Variants in PHLDB2 observed in about 807,000 individuals in gnomAD.
The protein encoded by PHLDB2 is pleckstrin homology-like domain family B member 2.
In PHLDB2, 71 loss-of-function variants were observed where a neutral mutation model predicts 123.6. That is an observed-to-expected ratio of 0.57 (90% CI 0.47 to 0.70). PHLDB2 has a LOEUF of 0.70. Ranked by LOEUF, PHLDB2 falls within the 30% of genes least tolerant of loss-of-function variation. PHLDB2 has a pLI of 0.00. For synonymous variants in PHLDB2, 547 were observed against 541.6 expected, an observed-to-expected ratio of 1.01 and a Z score of -0.14; for missense variants, 1,446 against 1,519.5, an observed-to-expected ratio of 0.95 and a Z score of 0.80.
Position 111,750,947 on chromosome 3 carries a change from C to CA in PHLDB2, c.-49+18263dup, listed in dbSNP as rs34859598. ...GGCGACAGAGTGTGAAACTCTGTCT[C>CA]AAAAAAAAAAAAAAAAAAATTCGCC... On this transcript the variant is annotated intron_variant, in intron 1 of 17. Transcript: ENST00000393923. Among the ~76,000 whole-genome samples, 231 of 117,708 alleles carry CA rather than the reference C, an allele frequency of 2.0e-3. 1 individual carries two copies. The highest frequency in any genetic ancestry group is 2.8e-3 in the Non-Finnish European group (146 of 52,904). The allele number at this position is 117,708 out of a possible 152,430, so 77.2% of individuals were successfully genotyped here.
chr3:111,823,993 A>C (rs1447177277), intron 1 of PHLDB2, among the ~76,000 whole-genome samples: 1 of 152,198 alleles, frequency 6.6e-6, no homozygotes, highest in Non-Finnish European at 1.5e-5. Context: ...CCTTTCCTCT[A>C]TTAAGAGTGA....
At chr3:111,758,999 G>T (rs1263976701) in intron 1 of PHLDB2, among the ~76,000 whole-genome samples, 4 of 152,162 alleles carry the variant, frequency 2.6e-5, no homozygotes, top group Non-Finnish European at 5.9e-5. Context: ...CAGAAACTAG[G>T]AGTCAGTCAG....
rs1420286729 is a variant in PHLDB2 at position 111,920,278 on chromosome 3, T to C, written c.1864-4T>C. ...CACTTCTGAGCTTTGGTTTGTGTCC[T>C]TAGTTGGATATGGAATGTGCTCTTT... On this transcript the variant is annotated splice_polypyrimidine_tract_variant and splice_region_variant and intron_variant, in intron 4 of 17. Coordinates refer to ENST00000431670, the MANE Select transcript of PHLDB2 (RefSeq NM_001134438.2). 2 of 1,612,976 alleles carry C rather than the reference T, an allele frequency of 1.2e-6. No individual in the cohort carries two copies. The highest frequency in any genetic ancestry group is 2.2e-5 in the East Asian group (1 of 44,862).
At chr3:111,934,980 C>G (rs2069381807) in intron 6 of PHLDB2, among the ~76,000 whole-genome samples, 1 of 151,670 alleles carries the variant, frequency 6.6e-6, no homozygotes, top group Non-Finnish European at 1.5e-5. Flanking sequence ...AGACCAAAAT[C>G]AAACTTTTAT....
At chr3:111,830,892 G>C (rs918499404) in intron 1 of PHLDB2, among the ~76,000 whole-genome samples, 5 of 148,866 alleles carry the variant, frequency 3.4e-5, no homozygotes, top group African/African-American at 1.2e-4. Context: ...TGGGATCTTA[G>C]GGGACTCATT....
intron 10 of PHLDB2, 118 bp from the exon 11 acceptor site, chr3:111,952,448 ATAACTT>A (rs1390446068): frequency 2.7e-5 from 29 of 1,081,204 alleles, no homozygotes; most frequent in Middle Eastern, 3.0e-4. Flanking sequence ...TATATGTTGA[ATAACTT>A]TAAGAAAAAT....
chr3:111,861,854 C>T (rs1280348424), intron 1 of PHLDB2, among the ~76,000 whole-genome samples: 1 of 152,160 alleles, frequency 6.6e-6, no homozygotes, highest in Non-Finnish European at 1.5e-5. Context: ...CTTCAAAGCT[C>T]CATTTTGAGA....
chr3:111,885,350 C>T lies in PHLDB2; in HGVS notation c.1273C>T (p.Leu425=). ...TAGCTCCATTTCAGGACGTGATGACCTGATGGATTATCACCGGCGGCAGAG... is the reference window on the plus strand; with the variant it reads ...TAGCTCCATTTCAGGACGTGATGACTTGATGGATTATCACCGGCGGCAGAG... ...SISSISGRDD[L]MDYHRRQREE... Residue 425 remains leucine, a synonymous_variant, in exon 2 of 18, where the codon CTG becomes TTG. Transcript: ENST00000431670. 9 of 1,614,132 alleles carry T rather than the reference C, an allele frequency of 5.6e-6. No homozygotes were observed. Among genetic ancestry groups the T allele is most frequent in the South Asian group, 1.1e-5 (1 of 91,080 alleles).
At position 111,967,749 on chromosome 3, in the gene PHLDB2, A is replaced by G; in HGVS notation, c.3240A>G (p.Arg1080=). The change falls in exon 15 of 18, where the codon CGA becomes CGG. Residue 1080 remains arginine, a synonymous_variant. Transcript: ENST00000431670. The part of the protein sequence containing the change: ...EKRRREILEK[R]LQEETSQRQK... ...GACGCCGGGAAATCCTGGAAAAACGATTACAGGAAGAAACTAGCCAGAGGC... is the reference window on the plus strand; with the variant it reads ...GACGCCGGGAAATCCTGGAAAAACGGTTACAGGAAGAAACTAGCCAGAGGC... 6.2e-7 allele frequency: 1 copy of G among 1,613,146 alleles called. No individual in the cohort carries two copies. Among genetic ancestry groups the G allele is most frequent in the African/African-American group, 1.3e-5 (1 of 74,922 alleles).
At chr3:111,781,940 A>C (rs2060490915) in intron 1 of PHLDB2, among the ~76,000 whole-genome samples, 1 of 152,072 alleles carries the variant, frequency 6.6e-6, no homozygotes, top group Non-Finnish European at 1.5e-5. Context: ...GCCGTGGCAC[A>C]AAACTACCTC....
chr3:111,785,248 T>G (rs564622410), intron 1 of PHLDB2, among the ~76,000 whole-genome samples: 2 of 152,294 alleles, frequency 1.3e-5, no homozygotes, highest in African/African-American at 4.8e-5. Flanking sequence ...TCATGCTCTT[T>G]ATTCATTGTT....
intron 1 of PHLDB2, among the ~76,000 whole-genome samples, chr3:111,785,706 A>C (rs1484637816): frequency 6.6e-6 from 1 of 152,114 alleles, no homozygotes; most frequent in Non-Finnish European, 1.5e-5. Flanking sequence ...TTCTTTAACA[A>C]AATCTAGGAC....
chr3:111,890,821 A>C (rs1483361620), intron 2 of PHLDB2, among the ~76,000 whole-genome samples: 1 of 152,056 alleles, frequency 6.6e-6, no homozygotes, highest in African/African-American at 2.4e-5. Context: ...GCTATTTGAG[A>C]TGTTTAGTTT....
chr3:111,776,986 G>A (rs2108069059), intron 1 of PHLDB2, among the ~76,000 whole-genome samples: 1 of 152,186 alleles, frequency 6.6e-6, no homozygotes, highest in South Asian at 2.1e-4. Context: ...AGGGGCCAAA[G>A]AAATAAAGGC....
At chr3:111,954,708 C>T (rs1298491082) in intron 12 of PHLDB2, among the ~76,000 whole-genome samples, 2 of 152,146 alleles carry the variant, frequency 1.3e-5, no homozygotes, top group East Asian at 3.8e-4. Flanking sequence ...AGTTACATTG[C>T]CCTAACTTTT....
intron 12 of PHLDB2, chr3:111,957,421 A>G (rs899712878): frequency 4.6e-5 from 7 of 152,612 alleles, no homozygotes; most frequent in African/African-American, 1.7e-4. Context: ...TGCAAGAAAC[A>G]CAATGCTGGG....
chr3:111,961,832 T>G, intron 12 of PHLDB2: 1 of 406,044 alleles, frequency 2.5e-6, no homozygotes, highest in Admixed American at 4.8e-5. Context: ...CTTTTGTGTT[T>G]GTGTGTTGCT....
intron 1 of PHLDB2, among the ~76,000 whole-genome samples, chr3:111,752,337 A>T (rs917655053): frequency 3.9e-5 from 6 of 152,026 alleles, no homozygotes; most frequent in African/African-American, 1.4e-4. Flanking sequence ...CTTTTCTCAT[A>T]GGCTCTCTAC....
chr3:111,884,214 G>T lies in PHLDB2; in HGVS notation c.137G>T (p.Ser46Ile), dbSNP rs34251436. 1,300 of 1,614,098 alleles carry T rather than the reference G, an allele frequency of 8.1e-4. 11 individuals carry two copies. The African/African-American group carries it at 0.016, about 19-fold the overall frequency. ...ESLSPKKYSSSLRFKANGDYS... is the reference protein window; with the variant it reads ...ESLSPKKYSSILRFKANGDYS... ...CTCAGCCCAAAGAAATACTCTTCCA[G>T]TCTGAGATTTAAAGCCAATGGAGAC... The change falls in exon 2 of 18, where the codon AGT (serine) becomes ATT (isoleucine). Residue 46 changes from serine to isoleucine, a missense_variant. Ser to Ile is a moderately radical substitution (Grantham distance 142). Around this residue, in one of 3 missense-constraint regions of PHLDB2, gnomAD observed 832 missense variants for 831.9 expected, o/e 1.00. Coordinates refer to ENST00000431670, the MANE Select transcript of PHLDB2 (RefSeq NM_001134438.2).
Sources: gnomAD v4.1 joint callset for allele counts (sites outside exome capture counted in the v4.1 genomes callset) on GRCh38, gnomAD v4.1.1 for gene constraint, gnomAD v4.1.1 regional missense constraint, MANE v1.5 for transcripts, NCBI Gene and HGNC (gene_info 2026-07-23, HGNC 2026-07-21) for gene names.